Variants in DLGAP2 observed in about 807,000 individuals in gnomAD.
DLGAP2 encodes the protein disks large-associated protein 2.
A neutral mutation model predicts 100.3 loss-of-function variants in DLGAP2; 26 were observed. The ratio of observed to expected loss-of-function variants is 0.26; its 90% confidence interval spans 0.19 to 0.36. The LOEUF (loss-of-function observed/expected upper bound fraction) is 0.36. DLGAP2 is among the 10% of genes least tolerant of loss of function. The probability of loss-of-function intolerance (pLI) is 1.00; values close to 1 mark genes in which losing one functional copy is unlikely to be tolerated. For missense variants in DLGAP2, 1,858 were observed against 1,453.2 expected, an observed-to-expected ratio of 1.28 and a Z score of -4.53; for synonymous variants, 886 against 630.1, an observed-to-expected ratio of 1.41 and a Z score of -6.08.
intron 1 of DLGAP2, among the ~76,000 whole-genome samples, chr8:745,978 C>A (rs1202694957): frequency 1.3e-5 from 2 of 152,244 alleles, no homozygotes; most frequent in African/African-American, 4.8e-5. Context: ...CGCACCACCC[C>A]TCACGGCCTG....
At chr8:1,691,701 T>G (rs1799265421) in intron 13 of DLGAP2, 75 bp downstream of exon 13, 1 of 1,280,014 alleles carries the variant, frequency 7.8e-7, no homozygotes, top group Non-Finnish European at 1.1e-6. Flanking sequence ...TCTCATTGTT[T>G]TCTTCCTTGT....
At chr8:1,121,861 C>T (rs1208038618) in intron 2 of DLGAP2, among the ~76,000 whole-genome samples, 3 of 152,230 alleles carry the variant, frequency 2.0e-5, no homozygotes, top group Admixed American at 6.5e-5. Context: ...GAACTTATAA[C>T]CTTCTATCCT....
chr8:856,454 C>T (rs987041343), intron 1 of DLGAP2, among the ~76,000 whole-genome samples: 1 of 152,082 alleles, frequency 6.6e-6, no homozygotes, highest in African/African-American at 2.4e-5. Context: ...TCCCATAGTG[C>T]TGGGATTACA....
chr8:877,717 G>A (rs369611700), intron 1 of DLGAP2, among the ~76,000 whole-genome samples: 4 of 152,162 alleles, frequency 2.6e-5, no homozygotes, highest in African/African-American at 9.7e-5. Context: ...CTTCCCAGTT[G>A]CATTTCACCA....
intron 3 of DLGAP2, among the ~76,000 whole-genome samples, chr8:1,316,150 C>T (rs1180037304): frequency 8.1e-6 from 1 of 122,828 alleles, no homozygotes; most frequent in Non-Finnish European, 1.7e-5. Context: ...CAGCGTCTCC[C>T]CAACAGTGGT....
chr8:1,436,625 G>A (rs1006810925), intron 3 of DLGAP2, among the ~76,000 whole-genome samples: 1 of 152,168 alleles, frequency 6.6e-6, no homozygotes, highest in Non-Finnish European at 1.5e-5. Context: ...GGAATGAAAA[G>A]TATTTTTTGA....
chr8:1,100,247 T>C (rs963299493), intron 2 of DLGAP2, among the ~76,000 whole-genome samples: 5 of 150,542 alleles, frequency 3.3e-5, no homozygotes, highest in African/African-American at 1.2e-4. Flanking sequence ...ATGTCCACAG[T>C]GGACAGCGTG....
At chr8:1,604,816 C>G (rs930609730) in intron 6 of DLGAP2, 1 of 151,406 alleles carries the variant, frequency 6.6e-6, no homozygotes, top group Non-Finnish European at 1.5e-5. Flanking sequence ...AAAAAAAAAA[C>G]TCAAACATAA....
intron 1 of DLGAP2, among the ~76,000 whole-genome samples, chr8:863,796 C>T (rs1036428013): frequency 6.6e-5 from 10 of 152,104 alleles, no homozygotes; most frequent in African/African-American, 2.2e-4. Flanking sequence ...TTAGTACAGC[C>T]GCTATGGAAA....
At chr8:1,009,874 A>G (rs1801226012) in intron 2 of DLGAP2, among the ~76,000 whole-genome samples, 1 of 152,226 alleles carries the variant, frequency 6.6e-6, no homozygotes, top group Non-Finnish European at 1.5e-5. Context: ...TCTGTTGGAA[A>G]TACCTCATAG....
At chr8:1,518,909 C>CCCG (rs1432811588) in intron 4 of DLGAP2, among the ~76,000 whole-genome samples, 8 of 152,206 alleles carry the variant, frequency 5.3e-5, no homozygotes, top group African/African-American at 1.9e-4. Flanking sequence ...CACGCCAGTG[C>CCCG]CCGTGCTTCT....
intron 1 of DLGAP2, among the ~76,000 whole-genome samples, chr8:904,079 A>C (rs1207581397): frequency 1.3e-5 from 2 of 152,126 alleles, no homozygotes; most frequent in Non-Finnish European, 2.9e-5. Context: ...GCTGGGGCCG[A>C]GTTTCTTCAG....
intron 1 of DLGAP2, among the ~76,000 whole-genome samples, chr8:799,199 C>G (rs957807479): frequency 2.0e-5 from 3 of 152,186 alleles, no homozygotes; most frequent in African/African-American, 7.2e-5. Context: ...TGGGTTTCAG[C>G]TCAGCCTGGG....
chr8:770,954 C>G (rs1821340888), intron 1 of DLGAP2, among the ~76,000 whole-genome samples: 1 of 151,160 alleles, frequency 6.6e-6, no homozygotes, highest in Non-Finnish European at 1.5e-5. Context: ...ATGTGGTCTT[C>G]TTAGTGTAAA....
intron 2 of DLGAP2, among the ~76,000 whole-genome samples, chr8:1,056,099 C>T (rs999883615): frequency 1.3e-5 from 2 of 152,200 alleles, no homozygotes; most frequent in Non-Finnish European, 2.9e-5. Context: ...AGTTGTATGA[C>T]TTCCTCAGGC....
At chr8:1,335,187 T>C (rs1407072252) in intron 3 of DLGAP2, among the ~76,000 whole-genome samples, 1 of 152,108 alleles carries the variant, frequency 6.6e-6, no homozygotes, top group Non-Finnish European at 1.5e-5. Context: ...GCAGAGGTAG[T>C]GTGGCCTTTC....
chr8:824,939 GA>G (rs1438824015), intron 1 of DLGAP2, among the ~76,000 whole-genome samples: 1 of 152,164 alleles, frequency 6.6e-6, no homozygotes, highest in East Asian at 1.9e-4. Flanking sequence ...CAGGGGATAG[GA>G]GACAGAGATT....
intron 2 of DLGAP2, among the ~76,000 whole-genome samples, chr8:977,699 T>G (rs1800202433): frequency 6.8e-6 from 1 of 147,766 alleles, no homozygotes. Flanking sequence ...TTTAAGAGAG[T>G]TCATAGAATT....
rs11781950 is a variant in DLGAP2, at chr8:1,464,351, A to T, written c.107-37015A>T. Among the ~76,000 whole-genome samples, 73 of 94,686 alleles carry T rather than the reference A, an allele frequency of 7.7e-4. 15 individuals carry two copies. The highest frequency in any genetic ancestry group is 1.9e-3 in the East Asian group (5 of 2,610). 62.1% of individuals were successfully genotyped at this position (94,686 alleles called of 152,430 possible). A position where few individuals can be genotyped will look rare whatever the true frequency, so the allele number is the denominator to read the frequency against. ...CAGGACGGCACCCTTCCAGGACGGCACCCTTCCAGGACAACGCCCTTCCAG... is the reference window on the plus strand; with the variant it reads ...CAGGACGGCACCCTTCCAGGACGGCTCCCTTCCAGGACAACGCCCTTCCAG... On this transcript the variant is annotated intron_variant, in intron 3 of 14. Transcript: ENST00000637795.
Sources: gnomAD v4.1 joint callset for allele counts (sites outside exome capture counted in the v4.1 genomes callset) on GRCh38, gnomAD v4.1.1 for gene constraint, MANE v1.5 for transcripts, NCBI Gene and HGNC (gene_info 2026-07-23, HGNC 2026-07-21) for gene names.